CNTNAP2: variants seen among roughly 807,000 people sequenced by gnomAD.
The protein encoded by CNTNAP2 is contactin associated protein 2.
In CNTNAP2, 98 loss-of-function variants were observed where a neutral mutation model predicts 155.2. That is an observed-to-expected ratio of 0.63 (90% CI 0.54 to 0.75). The LOEUF is 0.75. CNTNAP2 is among the 30% of genes least tolerant of loss of function. The probability of loss-of-function intolerance (pLI) is 0.00; values close to 1 mark genes in which losing one functional copy is unlikely to be tolerated. For missense variants in CNTNAP2, 1,727 were observed against 1,688.1 expected (o/e 1.02, Z -0.40); for synonymous variants, 651 against 631.2 (o/e 1.03, Z -0.47).
chr7:148,413,442 A>ATAATATATATATATATATATATG (rs1799899820), intron 23 of CNTNAP2, among the ~76,000 whole-genome samples: 5 of 106,438 alleles, frequency 4.7e-5, no homozygotes, highest in African/African-American at 2.1e-4. Flanking sequence ...ATATATATAT[A>ATAATATATATATATATATATATG]TATATTGCTC....
At chr7:146,349,332 C>A (rs1235409940) in intron 1 of CNTNAP2, among the ~76,000 whole-genome samples, 1 of 152,164 alleles carries the variant, frequency 6.6e-6, no homozygotes, top group Non-Finnish European at 1.5e-5. Context: ...TACCTAAGAA[C>A]GAATTCAACA....
chr7:147,927,727 C>G (rs1402019274), intron 14 of CNTNAP2, among the ~76,000 whole-genome samples: 2 of 152,240 alleles, frequency 1.3e-5, no homozygotes, highest in African/African-American at 4.8e-5. Context: ...TTTCTCAATT[C>G]AGAAATAACT....
intron 14 of CNTNAP2, among the ~76,000 whole-genome samples, chr7:147,912,898 T>G (rs1041269285): frequency 1.3e-5 from 2 of 152,320 alleles, no homozygotes; most frequent in African/African-American, 4.8e-5. Flanking sequence ...GTCAATCACC[T>G]GGCCTGAACG....
intron 15 of CNTNAP2, among the ~76,000 whole-genome samples, chr7:148,021,270 C>T (rs1406865627): frequency 6.6e-6 from 1 of 152,168 alleles, no homozygotes; most frequent in African/African-American, 2.4e-5. Flanking sequence ...TTATGTGCCA[C>T]TGTCGGCCAC....
At chr7:146,304,153 CTA>C (rs1411654593) in intron 1 of CNTNAP2, among the ~76,000 whole-genome samples, 1 of 149,356 alleles carries the variant, frequency 6.7e-6, no homozygotes, top group Admixed American at 6.7e-5. Context: ...TTTTTTGAGC[CTA>C]TGTGTGTCTC....
intron 1 of CNTNAP2, among the ~76,000 whole-genome samples, chr7:146,354,505 C>T (rs545900699): frequency 6.6e-6 from 1 of 151,572 alleles, no homozygotes; most frequent in Admixed American, 6.6e-5. Context: ...GTCTCCACCT[C>T]CCAGGTTCAG....
Position 148,314,127 on chromosome 7 carries a change from A to T in CNTNAP2, c.3475+47001A>T, listed in dbSNP as rs1175303366. Reference sequence around the variant, plus strand: ...TGGAACCTAGCTCGACCTGGCAAGGAGGGGAGAGGTCAGATGGGTCTGTAG... The same window carrying T: ...TGGAACCTAGCTCGACCTGGCAAGGTGGGGAGAGGTCAGATGGGTCTGTAG... On this transcript the variant is annotated intron_variant, in intron 21 of 23. Transcript: ENST00000361727. Among the ~76,000 whole-genome samples, 3 of 152,004 alleles carry T rather than the reference A, an allele frequency of 2.0e-5. No homozygotes were observed. The East Asian group carries it at 5.8e-4, about 29-fold the overall frequency.
intron 1 of CNTNAP2, among the ~76,000 whole-genome samples, chr7:146,573,668 C>T (rs569858728): frequency 9.2e-5 from 14 of 152,300 alleles, no homozygotes; most frequent in African/African-American, 2.9e-4. Context: ...GCAGTGCACA[C>T]AAAGAGGAGT....
chr7:147,469,506 A>ATTTTTGTTTTTTTTTTTTT (rs1798175663), intron 10 of CNTNAP2, among the ~76,000 whole-genome samples: 1 of 79,104 alleles, frequency 1.3e-5, no homozygotes, highest in Non-Finnish European at 2.4e-5. Context: ...TCAGGCTGCA[A>ATTTTTGTTTTTTTTTTTTT]TTTTTTTTTT....
At chr7:148,047,287 A>G (rs541889657) in intron 15 of CNTNAP2, among the ~76,000 whole-genome samples, 17 of 151,300 alleles carry the variant, frequency 1.1e-4, no homozygotes, top group African/African-American at 3.9e-4. Context: ...CTCTGGTCAC[A>G]GTATATTCAT....
rs942640265 is a variant in CNTNAP2, at chr7:146,129,300, T to C, written c.97+12327T>C. Among the ~76,000 whole-genome samples, 5 of 152,198 alleles carry C rather than the reference T, an allele frequency of 3.3e-5. No individual in the cohort carries two copies. In the South Asian group the frequency reaches 1.0e-3, roughly 31 times the overall value. ...AAATGACATTGTTTCTTTTATCAAA[T>C]TGGCATCAATAGGGCCTTTTTTTCA... On this transcript the variant is annotated intron_variant, in intron 1 of 23. Transcript: ENST00000361727.
intron 8 of CNTNAP2, among the ~76,000 whole-genome samples, chr7:147,169,652 AAGGG>A (rs934198166): frequency 4.9e-5 from 7 of 142,506 alleles, no homozygotes; most frequent in South Asian, 2.6e-4. Flanking sequence ...GGAAAGAAGG[AAGGG>A]AGGGAGGGAG....
intron 14 of CNTNAP2, among the ~76,000 whole-genome samples, chr7:147,932,783 A>T (rs1009847997): frequency 2.0e-5 from 3 of 152,208 alleles, no homozygotes; most frequent in Admixed American, 6.5e-5. Flanking sequence ...CAACCTGTAG[A>T]ATGAGACAAA....
At chr7:146,254,476 GA>G (rs1261067335) in intron 1 of CNTNAP2, among the ~76,000 whole-genome samples, 7 of 152,166 alleles carry the variant, frequency 4.6e-5, no homozygotes, top group African/African-American at 1.7e-4. Context: ...ATGAAAACAG[GA>G]AGTAAGACAG....
intron 20 of CNTNAP2, among the ~76,000 whole-genome samples, chr7:148,234,394 A>G (rs757594878): frequency 1.6e-4 from 25 of 152,376 alleles, no homozygotes; most frequent in Non-Finnish European, 3.5e-4. Flanking sequence ...ATGCAAAAAC[A>G]CAGAGAATAA....
intron 15 of CNTNAP2, among the ~76,000 whole-genome samples, chr7:148,029,983 A>G (rs1443816148): frequency 1.3e-5 from 2 of 152,234 alleles, no homozygotes; most frequent in Non-Finnish European, 2.9e-5. Context: ...ATGTCTTCTT[A>G]ATATCATACT....
chr7:147,568,814 C>T (rs1800226270), intron 12 of CNTNAP2, among the ~76,000 whole-genome samples: 1 of 152,128 alleles, frequency 6.6e-6, no homozygotes, highest in South Asian at 2.1e-4. Context: ...TTAGTTCTTT[C>T]TGCTAGATGA....
intron 1 of CNTNAP2, among the ~76,000 whole-genome samples, chr7:146,706,425 C>T (rs1800967027): frequency 6.6e-6 from 1 of 152,138 alleles, no homozygotes; most frequent in Non-Finnish European, 1.5e-5. Context: ...TGGAGATCTT[C>T]TCAGCCTGGA....
At chr7:147,874,503 TG>T (rs1294826835) in intron 13 of CNTNAP2, among the ~76,000 whole-genome samples, 1 of 151,282 alleles carries the variant, frequency 6.6e-6, no homozygotes, top group African/African-American at 2.4e-5. Context: ...TGGAGCAGCT[TG>T]GACACAGAGC....
Sources: allele counts gnomAD v4.1 joint callset (sites outside exome capture counted in the v4.1 genomes callset), GRCh38; gene constraint gnomAD v4.1.1; transcripts MANE v1.5; gene names NCBI Gene and HGNC (gene_info 2026-07-23, HGNC 2026-07-21).